Variants in FXYD7 observed in about 807,000 individuals in gnomAD.
The protein encoded by FXYD7 is FXYD domain containing ion transport regulator 7.
A neutral mutation model predicts 15.3 loss-of-function variants in FXYD7; 7 were observed. The observed-to-expected ratio is 0.46, with a 90% CI of 0.26 to 0.86. FXYD7 has a LOEUF of 0.86. FXYD7 is among the 40% of genes least tolerant of loss of function. FXYD7 has a pLI of 0.16. For missense variants in FXYD7, 78 were observed against 100.6 expected, an observed-to-expected ratio of 0.78 and a Z score of 0.96; for synonymous variants, 39 against 39.3, an observed-to-expected ratio of 0.99 and a Z score of 0.03.
intron 2 of FXYD7, among the ~76,000 whole-genome samples, chr19:35,150,329 T>A (rs983825751): frequency 1.3e-5 from 2 of 151,910 alleles, no homozygotes; most frequent in African/African-American, 4.8e-5. Context: ...GCCCAAGAGG[T>A]AGAGGCTGCA....
At chr19:35,153,037 T>TTTTTTTTTTTTTTTG (rs2065320387) in intron 5 of FXYD7, among the ~76,000 whole-genome samples, 1 of 62,068 alleles carries the variant, frequency 1.6e-5, no homozygotes, top group Non-Finnish European at 3.0e-5. Flanking sequence ...ACGTTCCTTT[T>TTTTTTTTTTTTTTTG]TTTTTTTTTT....
chr19:35,150,204 A>G lies in FXYD7; in HGVS notation c.62-1050A>G, dbSNP rs138440493. Among the ~76,000 whole-genome samples, 22 of 152,312 alleles carry G rather than the reference A, an allele frequency of 1.4e-4. No individual in the cohort carries two copies. In the East Asian group the frequency reaches 4.2e-3, roughly 29 times the overall value. Reference sequence around the variant, plus strand: ...AGTGCTGAGATTACAGGCTCATTACAGGCATGAGCCACTGTGCCCAGCTCT... The same window carrying G: ...AGTGCTGAGATTACAGGCTCATTACGGGCATGAGCCACTGTGCCCAGCTCT... On this transcript the variant is annotated intron_variant, in intron 2 of 5. Transcript: ENST00000270310.
In FXYD7 at chr19:35,151,313, ATCC is replaced by A. The variant is rs1568406822; in HGVS notation, c.124_126del (p.Leu42del). ...GGCAACCATCTTGTTCCTGCTGGGT[ATCC>A]TCATCGTCATCAGTAAGTGCGACCC... On this transcript the variant is annotated inframe_deletion, in exon 3 of 6. Coordinates refer to ENST00000270310, the MANE Select transcript of FXYD7 (RefSeq NM_022006.2). 1 of 1,608,082 alleles carries A rather than the reference ATCC, an allele frequency of 6.2e-7. No individual in the cohort carries two copies. Among genetic ancestry groups the A allele is most frequent in the Non-Finnish European group, 8.5e-7 (1 of 1,174,512 alleles).
rs760009175 is a variant in FXYD7, at chr19:35,153,918, A to G, written c.*2A>G. ...GCCCCTGGTGGCGGCGGCGTGTAAC[A>G]CCTTCCCGAGGAAACTCCGCTGCCG... On this transcript the variant is annotated 3_prime_UTR_variant, in exon 6 of 6. Coordinates refer to ENST00000270310, the MANE Select transcript of FXYD7 (RefSeq NM_022006.2). The G allele has an allele frequency of 5.6e-6, 9 of 1,611,634 alleles. No homozygotes were observed. Among genetic ancestry groups the G allele is most frequent in the Non-Finnish European group, 7.6e-6 (9 of 1,178,760 alleles).
At position 35,143,473 on chromosome 19, in the gene FXYD7, G is replaced by C; in HGVS notation, c.31+109G>C. ...TGGTAAGGCAAGGGAGTTGGGGGAG[G>C]GAGGTCCGCTCCTCCTGTGGGCGGA... is the stretch of plus-strand genomic sequence containing the variant. On this transcript the variant is annotated intron_variant, in intron 1 of 5. Coordinates refer to ENST00000270310, the MANE Select transcript of FXYD7 (RefSeq NM_022006.2). The surrounding 1 kb of genome is among the most constrained non-coding windows in gnomAD (Gnocchi z 4.3). 5 of 866,732 alleles carry C rather than the reference G, an allele frequency of 5.8e-6. No homozygotes were observed. The South Asian group carries it at 1.0e-4, about 17-fold the overall frequency. The allele number at this position is 866,732 out of a possible 1,614,324, so 53.7% of individuals were successfully genotyped here.
chr19:35,151,995 C>T lies in FXYD7; in HGVS notation c.220+322C>T, dbSNP rs918542629. ...CTCTGCTAAAAATGCAAAAATTAGC[C>T]GGGCATGGTGGTGCGCACCTGTAAT... On this transcript the variant is annotated intron_variant, in intron 5 of 5. Coordinates refer to ENST00000270310, the MANE Select transcript of FXYD7 (RefSeq NM_022006.2). Among the ~76,000 whole-genome samples, 4 of 151,684 alleles carry T rather than the reference C, an allele frequency of 2.6e-5. No homozygotes were observed. The South Asian group carries it at 6.3e-4, about 24-fold the overall frequency.
In FXYD7 at chr19:35,154,149, C is replaced by G. The variant is rs1358753183; in HGVS notation, c.*233C>G. Reference sequence around the variant, plus strand: ...ACCCAGGGCCTCAGGCCTCCAGCTCCTGGGATCCGGGAGTCCATCCCGGCC... The same window carrying G: ...ACCCAGGGCCTCAGGCCTCCAGCTCGTGGGATCCGGGAGTCCATCCCGGCC... On this transcript the variant is annotated 3_prime_UTR_variant, in exon 6 of 6. Transcript: ENST00000270310. 1.9e-6 allele frequency: 1 copy of G among 539,126 alleles called. No individual in the cohort carries two copies. The allele number at this position is 539,126 out of a possible 1,614,324, so 33.4% of individuals were successfully genotyped here.
intron 1 of FXYD7, among the ~76,000 whole-genome samples, chr19:35,148,410 T>C (rs974158728): frequency 1.3e-5 from 2 of 152,210 alleles, no homozygotes; most frequent in African/African-American, 2.4e-5. Flanking sequence ...CAGACCTCCA[T>C]AGGGGTCCAG....
chr19:35,145,192 A>G (rs1251836526), intron 1 of FXYD7, among the ~76,000 whole-genome samples: 1 of 152,098 alleles, frequency 6.6e-6, no homozygotes, highest in African/African-American at 2.4e-5. Flanking sequence ...GGGTGGCGGG[A>G]CCTATCACCT....
At chr19:35,151,159 C>A (rs977593637) in intron 2 of FXYD7, 95 bp from the exon 3 acceptor site, 4 of 819,728 alleles carry the variant, frequency 4.9e-6, no homozygotes, top group Non-Finnish European at 4.4e-6. Context: ...CTGGGCGATT[C>A]TGGGTTCCTG....
chr19:35,151,775 G>C (rs2065311343), intron 5 of FXYD7, 102 bp downstream of exon 5: 4 of 742,818 alleles, frequency 5.4e-6, no homozygotes, highest in Non-Finnish European at 9.9e-6. Flanking sequence ...GCAGGGGGCG[G>C]AGGGGGGGTG....
chr19:35,152,611 C>G (rs923705326), intron 5 of FXYD7, among the ~76,000 whole-genome samples: 2 of 151,536 alleles, frequency 1.3e-5, no homozygotes, highest in Non-Finnish European at 2.9e-5. Context: ...GAGAAGAAAG[C>G]TGGGAAGAAC....
At position 35,148,022 on chromosome 19, in the gene FXYD7, AGAAG is replaced by A. The variant is rs2065294703; in HGVS notation, c.32-668_32-665del. Among the ~76,000 whole-genome samples, 4 of 126,238 alleles carry A rather than the reference AGAAG, an allele frequency of 3.2e-5. 1 individual carries two copies. The highest frequency in any genetic ancestry group is 1.2e-4 in the African/African-American group (4 of 32,794). The allele number at this position is 126,238 out of a possible 152,430, so 82.8% of individuals were successfully genotyped here. On this transcript the variant is annotated intron_variant, in intron 1 of 5. Transcript: ENST00000270310. Reference sequence around the variant, plus strand: ...AAAGAAAGAAGGAAAGAAAGAAGAAAGAAGGAAAGAAAGAAAGAAAGAAAGAAAG... The same window carrying A: ...AAAGAAAGAAGGAAAGAAAGAAGAAAGAAAGAAAGAAAGAAAGAAAGAAAG...
At chr19:35,145,006 A>G (rs1344156192) in intron 1 of FXYD7, among the ~76,000 whole-genome samples, 1 of 152,152 alleles carries the variant, frequency 6.6e-6, no homozygotes, top group Non-Finnish European at 1.5e-5. Flanking sequence ...AGGAGTGAAC[A>G]GAAGAGGGAT....
At chr19:35,145,222 C>G (rs2065285207) in intron 1 of FXYD7, among the ~76,000 whole-genome samples, 1 of 152,230 alleles carries the variant, frequency 6.6e-6, no homozygotes, top group African/African-American at 2.4e-5. Context: ...TCCCAAGATG[C>G]CCCAGTTGCC....
At chr19:35,145,321 C>T (rs1568405011) in intron 1 of FXYD7, among the ~76,000 whole-genome samples, 1 of 152,194 alleles carries the variant, frequency 6.6e-6, no homozygotes, top group Non-Finnish European at 1.5e-5. Flanking sequence ...CCACCCTTAG[C>T]CCAGCCACGC....
rs189990706 is a variant in FXYD7, at chr19:35,151,230, G to A, written c.62-24G>A. The A allele has an allele frequency of 3.1e-4, 463 of 1,499,660 alleles. 3 individuals carry two copies. The African/African-American group carries it at 5.2e-3, about 17-fold the overall frequency. 92.9% of individuals were successfully genotyped at this position (1,499,660 alleles called of 1,614,324 possible). On this transcript the variant is annotated intron_variant, in intron 2 of 5. Transcript: ENST00000270310. ...GCAGCCAAGGTGCTGTCCCTGCCTC[G>A]ATGTCCCCCATTATCTTCCCCAGAC...
chr19:35,152,761 A>G (rs2065316326), intron 5 of FXYD7, among the ~76,000 whole-genome samples: 1 of 151,540 alleles, frequency 6.6e-6, no homozygotes. Context: ...GGAAAGTGTA[A>G]AGGGAGAGCG....
In FXYD7 at chr19:35,154,237, C is replaced by T. The variant is rs1047115481; in HGVS notation, c.*321C>T. ...CCTCCTTGTCTCATCCCCGAAGATC[C>T]GTCCCCCTGGCCCCTCAGTGTCCAT... On this transcript the variant is annotated 3_prime_UTR_variant, in exon 6 of 6. Coordinates refer to ENST00000270310, the MANE Select transcript of FXYD7 (RefSeq NM_022006.2). The T allele has an allele frequency of 4.2e-6, 2 of 480,738 alleles. No individual in the cohort carries two copies. The highest frequency in any genetic ancestry group is 2.0e-5 in the African/African-American group (1 of 49,278). 29.8% of individuals were successfully genotyped at this position (480,738 alleles called of 1,614,324 possible).
Sources: gnomAD v4.1 joint callset for allele counts (sites outside exome capture counted in the v4.1 genomes callset) on GRCh38, gnomAD v4.1.1 for gene constraint, Gnocchi (gnomAD v3.1) non-coding constraint, MANE v1.5 for transcripts, NCBI Gene and HGNC (gene_info 2026-07-23, HGNC 2026-07-21) for gene names.